CDH11: variants seen among roughly 807,000 people sequenced by gnomAD.
The protein encoded by CDH11 is cadherin-11.
CDH11 carries 11 observed loss-of-function variants against 67.8 expected under a neutral mutation model. The observed-to-expected ratio is 0.16, with a 90% CI of 0.10 to 0.27. The LOEUF (loss-of-function observed/expected upper bound fraction) is 0.27, where lower values mean the gene tolerates loss of function less well. Among genes scored for constraint, CDH11 ranks in the 10% least tolerant of loss-of-function variants. The pLI is 1.00. For synonymous variants in CDH11, 419 were observed against 400.0 expected (o/e 1.05, Z -0.57); for missense variants, 847 against 1,031.2 (o/e 0.82, Z 2.45).
At chr16:65,097,749 T>C (rs897155685) in intron 1 of CDH11, among the ~76,000 whole-genome samples, 7 of 152,270 alleles carry the variant, frequency 4.6e-5, no homozygotes, top group African/African-American at 1.7e-4. Flanking sequence ...AACAGAAAAG[T>C]AACATCTCTC....
rs117915535 is a variant in CDH11, at chr16:65,009,140, C to T, written c.-172-4099G>A. On this transcript the variant is annotated intron_variant, in intron 2 of 12. Transcript: ENST00000268603. ...TACAATTTTACCTAAGAGAAGGCTG[C>T]AGGTCAAATTTAGGCACACTAATAC... 0.017 allele frequency among the ~76,000 whole-genome samples: 2,553 copies of T among 152,146 alleles called. 110 individuals are homozygous for T. The East Asian group carries it at 0.17, about 10-fold the overall frequency.
rs572455099 is a variant in CDH11 at position 65,064,311 on chromosome 16, T to G, written c.-297-10383A>C. ...TTCTGTGGCTTAGGACTCTGTTTCC[T>G]TACCTGTAAAATGAGCAACATAACA... On this transcript the variant is annotated intron_variant, in intron 1 of 12. Coordinates refer to ENST00000268603, the MANE Select transcript of CDH11 (RefSeq NM_001797.4). Among the ~76,000 whole-genome samples, 5 of 152,374 alleles carry G rather than the reference T, an allele frequency of 3.3e-5. No homozygotes were observed. The South Asian group carries it at 6.2e-4, about 19-fold the overall frequency.
chr16:65,097,834 A>T (rs1307410188), intron 1 of CDH11, among the ~76,000 whole-genome samples: 1 of 152,164 alleles, frequency 6.6e-6, no homozygotes, highest in Non-Finnish European at 1.5e-5. Context: ...AAAAGTTAAG[A>T]TAAAAAATTT....
rs532101985 is a variant in CDH11, at chr16:64,981,132, G to T, written c.1253+916C>A. On this transcript the variant is annotated intron_variant, in intron 8 of 12. Transcript: ENST00000268603. The stretch of plus-strand genomic sequence containing the variant: ...TTTTTTTTTTTTTTTTTGAGACAGG[G>T]TCTCACTCTGCCACCCAGGCTAGAA... 5 of 126,648 alleles carry T rather than the reference G, an allele frequency of 3.9e-5. No homozygotes were observed. The East Asian group carries it at 9.0e-4, about 23-fold the overall frequency. The allele number at this position is 126,648 out of a possible 1,614,324, so 7.8% of individuals were successfully genotyped here. A position where few individuals can be genotyped will look rare whatever the true frequency, so the allele number is the denominator to read the frequency against.
In CDH11 at chr16:65,004,670, G is replaced by C; in HGVS notation, c.200C>G (p.Thr67Ser). Residue 67 changes from threonine (T) to serine (S), a missense_variant, in exon 3 of 13, where the codon ACC (threonine) becomes AGC (serine). By Grantham distance (58) the Thr-to-Ser change is moderately conservative (BLOSUM62 1). Transcript: ENST00000268603. The stretch of plus-strand genomic sequence containing the variant: ...GCCCACAAGCACGGGGTCAGGCCCG[G>C]TGTACTCCTCTATCACGAAGAACTG... ...WNQFFVIEEY[T>S]GPDPVLVGRL... is the part of the protein sequence containing the mutation. 1 of 1,613,546 alleles carries C rather than the reference G, an allele frequency of 6.2e-7. No homozygotes were observed. Among genetic ancestry groups the C allele is most frequent in the Non-Finnish European group, 8.5e-7 (1 of 1,179,952 alleles).
intron 11 of CDH11, among the ~76,000 whole-genome samples, chr16:64,959,345 A>G (rs1242090191): frequency 6.6e-6 from 1 of 152,172 alleles, no homozygotes; most frequent in African/African-American, 2.4e-5. Context: ...GTTTGATAGT[A>G]ATTTTCTCCT....
chr16:64,946,877 G>A lies in CDH11; in HGVS notation c.*726C>T, dbSNP rs911673573. On this transcript the variant is annotated 3_prime_UTR_variant, in exon 13 of 13. Coordinates refer to ENST00000268603, the MANE Select transcript of CDH11 (RefSeq NM_001797.4). Reference sequence around the variant, plus strand: ...GTTCATAAAATATAAGTGTGATGCCGTAACATTTTCTTACATGTCAGAATA... The same window carrying A: ...GTTCATAAAATATAAGTGTGATGCCATAACATTTTCTTACATGTCAGAATA... 46 of 829,412 alleles carry A rather than the reference G, an allele frequency of 5.5e-5. No individual in the cohort carries two copies. The highest frequency in any genetic ancestry group is 7.0e-5 in the East Asian group (1 of 14,192). 51.4% of individuals were successfully genotyped at this position (829,412 alleles called of 1,614,324 possible).
chr16:64,992,543 T>C (rs1296456803), intron 5 of CDH11, among the ~76,000 whole-genome samples: 1 of 152,264 alleles, frequency 6.6e-6, no homozygotes, highest in Non-Finnish European at 1.5e-5. Context: ...CCATGCTCAC[T>C]TAAATCTTTA....
chr16:65,040,003 A>G (rs946385064), intron 2 of CDH11, among the ~76,000 whole-genome samples: 6 of 152,214 alleles, frequency 3.9e-5, no homozygotes, highest in African/African-American at 1.4e-4. Flanking sequence ...CAAAACCACA[A>G]TGAGATACCA....
chr16:65,039,957 G>C (rs551318328), intron 2 of CDH11, among the ~76,000 whole-genome samples: 1 of 152,208 alleles, frequency 6.6e-6, no homozygotes, highest in South Asian at 2.1e-4. Context: ...ACGTGAAAAA[G>C]TTCTCATCAT....
At chr16:64,993,968 C>T (rs1170938155) in intron 4 of CDH11, among the ~76,000 whole-genome samples, 1 of 152,140 alleles carries the variant, frequency 6.6e-6, no homozygotes, top group Non-Finnish European at 1.5e-5. Context: ...ATATATGAAG[C>T]TTTGTAATCT....
intron 12 of CDH11, 28 bp downstream of exon 12, chr16:64,950,739 C>T (rs765077367): frequency 6.2e-7 from 1 of 1,605,480 alleles, no homozygotes; most frequent in Admixed American, 1.7e-5. Context: ...CCTGGCCCTT[C>T]CTGCAGGGGA....
At chr16:65,023,621 A>G (rs953164714) in intron 2 of CDH11, among the ~76,000 whole-genome samples, 1 of 152,216 alleles carries the variant, frequency 6.6e-6, no homozygotes, top group Non-Finnish European at 1.5e-5. Flanking sequence ...TCTTCATTTT[A>G]TGCTAGACAA....
At chr16:65,098,555 A>G (rs1338043887) in intron 1 of CDH11, among the ~76,000 whole-genome samples, 1 of 151,836 alleles carries the variant, frequency 6.6e-6, no homozygotes, top group Non-Finnish European at 1.5e-5. Flanking sequence ...TTTTAGAGAC[A>G]GGGTCTCACT....
chr16:64,947,915 G>T lies in CDH11; in HGVS notation c.2079C>A (p.Arg693=). 1.2e-6 allele frequency: 2 copies of T among 1,614,158 alleles called. No individual in the cohort carries two copies. Among genetic ancestry groups the T allele is most frequent in the Non-Finnish European group, 1.7e-6 (2 of 1,180,032 alleles). ...ACTGATACTCAGGTTTGATGTCTTTGCGGGGGATAAATCCATTGATACCAT... is the reference window on the plus strand; with the variant it reads ...ACTGATACTCAGGTTTGATGTCTTTTCGGGGGATAAATCCATTGATACCAT... ...NPDGINGFIP[R]KDIKPEYQYM... is the part of the protein sequence containing the mutation. The change falls in exon 13 of 13, where the codon CGC becomes CGA. Residue 693 remains arginine (R), a synonymous_variant. Coordinates refer to ENST00000268603, the MANE Select transcript of CDH11 (RefSeq NM_001797.4).
At chr16:65,005,214 A>C (rs932291718) in intron 2 of CDH11, among the ~76,000 whole-genome samples, 173 bp from the exon 3 acceptor site, 1 of 152,164 alleles carries the variant, frequency 6.6e-6, no homozygotes, top group Admixed American at 6.6e-5. Flanking sequence ...TGGGGATAAG[A>C]GTGTACCCAG....
At chr16:65,077,374 T>C (rs576545026) in intron 1 of CDH11, among the ~76,000 whole-genome samples, 33 of 152,348 alleles carry the variant, frequency 2.2e-4, no homozygotes, top group African/African-American at 7.9e-4. Flanking sequence ...GTGTGTAGCT[T>C]CTTTTCACAG....
chr16:65,076,775 G>A (rs1429877310), intron 1 of CDH11, among the ~76,000 whole-genome samples: 5 of 145,564 alleles, frequency 3.4e-5, no homozygotes, highest in East Asian at 4.2e-4. Flanking sequence ...GAGAACATAC[G>A]GTGCTTGGTT....
At chr16:65,113,036 C>T (rs1047058644) in intron 1 of CDH11, among the ~76,000 whole-genome samples, 2 of 152,098 alleles carry the variant, frequency 1.3e-5, no homozygotes, top group Non-Finnish European at 1.5e-5. Context: ...GCCTGTAATC[C>T]CAGCACTTTG....
Sources: allele counts gnomAD v4.1 joint callset (sites outside exome capture counted in the v4.1 genomes callset), GRCh38; gene constraint gnomAD v4.1.1; transcripts MANE v1.5; gene names NCBI Gene and HGNC (gene_info 2026-07-23, HGNC 2026-07-21).